Variants in TCF4 observed in about 807,000 individuals in gnomAD.
TCF4 encodes transcription factor 4.
In TCF4, 3 loss-of-function variants were observed where a neutral mutation model predicts 82.1. The observed-to-expected ratio is 0.04, with a 90% confidence interval of 0.02 to 0.09. The LOEUF is 0.09. Ranked by LOEUF, TCF4 falls within the 10% of genes least tolerant of loss-of-function variation. The pLI, the probability that TCF4 is intolerant of heterozygous loss-of-function variation, is 1.00. For synonymous variants in TCF4, 276 were observed against 309.6 expected, an observed-to-expected ratio of 0.89 and a Z score of 1.14; for missense variants, 518 against 852.7, an observed-to-expected ratio of 0.61 and a Z score of 4.89.
intron 3 of TCF4, among the ~76,000 whole-genome samples, chr18:55,484,633 T>G (rs2145661364): frequency 6.6e-6 from 1 of 152,368 alleles, no homozygotes; most frequent in South Asian, 2.1e-4. Context: ...CCAGTCCTTG[T>G]GTGGACAGAA....
chr18:55,256,484 C>T (rs936487101), intron 14 of TCF4, among the ~76,000 whole-genome samples: 2 of 152,122 alleles, frequency 1.3e-5, no homozygotes, highest in African/African-American at 2.4e-5. Flanking sequence ...AAGAACACAG[C>T]AAAGGAGGGA....
At chr18:55,527,712 T>C (rs1418514244) in intron 3 of TCF4, among the ~76,000 whole-genome samples, 1 of 152,196 alleles carries the variant, frequency 6.6e-6, no homozygotes, top group South Asian at 2.1e-4. Flanking sequence ...AGAGAGTTCT[T>C]TTTAGGAAAC....
chr18:55,318,673 A>G (rs949968524), intron 8 of TCF4, among the ~76,000 whole-genome samples: 1 of 152,174 alleles, frequency 6.6e-6, no homozygotes, highest in African/African-American at 2.4e-5. Context: ...GGACAGGTAC[A>G]GTTGTTCACA....
chr18:55,619,370 A>T (rs1459607933), intron 2 of TCF4, among the ~76,000 whole-genome samples: 1 of 152,140 alleles, frequency 6.6e-6, no homozygotes, highest in African/African-American at 2.4e-5. Context: ...ATATTTATGG[A>T]ATACGTAGTG....
At chr18:55,494,171 C>CACAT (rs973358780) in intron 3 of TCF4, among the ~76,000 whole-genome samples, 2 of 151,674 alleles carry the variant, frequency 1.3e-5, no homozygotes, top group African/African-American at 4.8e-5. Context: ...CACACACACA[C>CACAT]ACACACACAC....
chr18:55,294,496 G>A (rs150893269), intron 8 of TCF4, among the ~76,000 whole-genome samples: 1 of 152,254 alleles, frequency 6.6e-6, no homozygotes, highest in Non-Finnish European at 1.5e-5. Flanking sequence ...CAGAATTTTA[G>A]TGTTGAAGGG....
intron 3 of TCF4, among the ~76,000 whole-genome samples, chr18:55,539,965 T>C (rs1389955561): frequency 9.9e-5 from 15 of 151,996 alleles, no homozygotes; most frequent in Admixed American, 9.2e-4. Flanking sequence ...AGTCACTCTT[T>C]CAAATGCTCA....
chr18:55,444,534 A>G (rs1281695298), intron 5 of TCF4, among the ~76,000 whole-genome samples: 1 of 152,242 alleles, frequency 6.6e-6, no homozygotes, highest in East Asian at 1.9e-4. Flanking sequence ...ATGTGGAAAG[A>G]GAGACAATAC....
At chr18:55,302,339 A>T in intron 8 of TCF4, 1 of 1,331,408 alleles carries the variant, frequency 7.5e-7, no homozygotes, top group Non-Finnish European at 1.0e-6. Context: ...TACAAGTCAA[A>T]GCAGCACAGT....
chr18:55,282,199 CATA>C (rs2062759616), intron 8 of TCF4, among the ~76,000 whole-genome samples: 1 of 151,906 alleles, frequency 6.6e-6, no homozygotes, highest in African/African-American at 2.4e-5. Context: ...ATAAATATCA[CATA>C]TAACTATACT....
At chr18:55,306,590 T>A (rs1285839535) in intron 8 of TCF4, among the ~76,000 whole-genome samples, 1 of 152,210 alleles carries the variant, frequency 6.6e-6, no homozygotes, top group African/African-American at 2.4e-5. Context: ...AAGCAACTTC[T>A]CAAACGACAG....
chr18:55,594,753 C>T (rs945098491), intron 2 of TCF4, among the ~76,000 whole-genome samples: 4 of 152,136 alleles, frequency 2.6e-5, no homozygotes, highest in African/African-American at 7.2e-5. Flanking sequence ...GTGCTGTCAT[C>T]GTACTGCTTC....
chr18:55,240,218 GA>G (rs2050784682), intron 15 of TCF4, among the ~76,000 whole-genome samples: 1 of 152,128 alleles, frequency 6.6e-6, no homozygotes, highest in Non-Finnish European at 1.5e-5. Flanking sequence ...TTGGTTTTTA[GA>G]AAGAAGAACA....
intron 8 of TCF4, among the ~76,000 whole-genome samples, chr18:55,285,730 C>T (rs1483171265): frequency 6.6e-6 from 1 of 152,146 alleles, no homozygotes; most frequent in Non-Finnish European, 1.5e-5. Context: ...GCCATGTTTG[C>T]CACTCGCCGT....
chr18:55,393,887 A>T (rs2093330780), intron 6 of TCF4, among the ~76,000 whole-genome samples: 1 of 152,218 alleles, frequency 6.6e-6, no homozygotes, highest in Admixed American at 6.5e-5. Context: ...TGCCAATTTA[A>T]TTGAGGCAGG....
At chr18:55,251,451 A>G (rs752831194) in intron 15 of TCF4, among the ~76,000 whole-genome samples, 8 of 152,248 alleles carry the variant, frequency 5.3e-5, no homozygotes, top group Non-Finnish European at 1.0e-4. Flanking sequence ...GAGATAACAT[A>G]ACAGCCGAGG....
chr18:55,259,626 T>TGA, intron 13 of TCF4: 1 of 281,096 alleles, frequency 3.6e-6, no homozygotes, highest in Non-Finnish European at 6.7e-6. Flanking sequence ...CTGAGTTTTT[T>TGA]TCATCTGAGA....
intron 15 of TCF4, among the ~76,000 whole-genome samples, chr18:55,246,800 C>T (rs528515988): frequency 2.0e-5 from 3 of 151,862 alleles, no homozygotes; most frequent in South Asian, 2.1e-4. Context: ...CTCCGAAATA[C>T]TTGATAGTTG....
At chr18:55,374,426 A>G (rs1027658189) in intron 6 of TCF4, among the ~76,000 whole-genome samples, 1 of 152,096 alleles carries the variant, frequency 6.6e-6, no homozygotes, top group African/African-American at 2.4e-5. Context: ...AGAAATCAAC[A>G]TAATTACAAA....
Sources: allele counts gnomAD v4.1 joint callset (sites outside exome capture counted in the v4.1 genomes callset), GRCh38; gene constraint gnomAD v4.1.1; transcripts MANE v1.5; gene names NCBI Gene and HGNC (gene_info 2026-07-23, HGNC 2026-07-21).